The following GRIP1 variants were observed in gnomAD, a reference collection of about 807,000 sequenced individuals.
GRIP1 encodes the protein glutamate receptor-interacting protein 1.
In GRIP1, 45 loss-of-function variants were observed where a neutral mutation model predicts 129.9. The ratio of observed to expected loss-of-function variants is 0.35; its 90% CI spans 0.27 to 0.44. GRIP1 has a LOEUF of 0.44. Ranked by LOEUF, GRIP1 falls within the 20% of genes least tolerant of loss-of-function variation. GRIP1 has a pLI of 1.00. For missense variants in GRIP1, 1,196 were observed against 1,396.8 expected (o/e 0.86, Z 2.29); for synonymous variants, 530 against 520.8 (o/e 1.02, Z -0.24).
chr12:67,048,818 C>A (rs1342381831), intron 1 of GRIP1, among the ~76,000 whole-genome samples: 1 of 152,190 alleles, frequency 6.6e-6, no homozygotes, highest in Non-Finnish European at 1.5e-5. Context: ...TTGCCTGCCA[C>A]CATCCATGTA....
chr12:66,360,565 T>C (rs2054708642), intron 23 of GRIP1, among the ~76,000 whole-genome samples: 1 of 152,188 alleles, frequency 6.6e-6, no homozygotes, highest in Admixed American at 6.5e-5. Flanking sequence ...AAAGCTCAGT[T>C]CAATTTTAAC....
chr12:66,811,721 T>G (rs193113916), intron 1 of GRIP1, among the ~76,000 whole-genome samples: 1 of 152,264 alleles, frequency 6.6e-6, no homozygotes, highest in East Asian at 1.9e-4. Context: ...CTACTTACTT[T>G]AAGTTATACA....
upstream of GRIP1, among the ~76,000 whole-genome samples, chr12:66,805,140 C>A (rs1255788127): frequency 6.6e-6 from 1 of 152,020 alleles, no homozygotes; most frequent in African/African-American, 2.4e-5. Context: ...ATAAACCTAG[C>A]TCAATTGTTA....
chr12:66,377,427 A>C, intron 20 of GRIP1, 142 bp from the exon 21 acceptor site: 2 of 680,206 alleles, frequency 2.9e-6, no homozygotes, highest in Non-Finnish European at 5.3e-6. Context: ...TCCCGGGTTC[A>C]CACCATTCTC....
At chr12:66,777,976 A>C (rs2136766339) in intron 1 of GRIP1, among the ~76,000 whole-genome samples, 1 of 152,320 alleles carries the variant, frequency 6.6e-6, no homozygotes, top group South Asian at 2.1e-4. Context: ...TGAGCACTTG[A>C]AACACGCTAG....
At chr12:67,013,933 A>G (rs2042746700) in intron 1 of GRIP1, among the ~76,000 whole-genome samples, 1 of 152,230 alleles carries the variant, frequency 6.6e-6, no homozygotes, top group Admixed American at 6.5e-5. Flanking sequence ...AATCAGCGCA[A>G]GCTCAAGATT....
chr12:66,527,714 C>T (rs537538819), intron 5 of GRIP1, among the ~76,000 whole-genome samples: 1 of 151,938 alleles, frequency 6.6e-6, no homozygotes, highest in East Asian at 1.9e-4. Flanking sequence ...TGTGGAAAAC[C>T]AAATACTGCA....
chr12:66,778,598 G>C (rs2038062336), intron 1 of GRIP1, among the ~76,000 whole-genome samples: 1 of 152,126 alleles, frequency 6.6e-6, no homozygotes, highest in African/African-American at 2.4e-5. Context: ...TTTTCTGCAT[G>C]TTTGTGTAGC....
intron 1 of GRIP1, among the ~76,000 whole-genome samples, chr12:66,796,139 TC>T (rs1262744186): frequency 1.3e-5 from 2 of 152,170 alleles, no homozygotes; most frequent in African/African-American, 2.4e-5. Flanking sequence ...AGAAGACTCC[TC>T]TATGTGAATA....
chr12:66,832,079 C>T (rs182700252), intron 1 of GRIP1, among the ~76,000 whole-genome samples: 1,911 of 152,246 alleles, frequency 0.013, 14 homozygotes, highest in Middle Eastern at 0.02. Flanking sequence ...TGAGACAAGT[C>T]ACTTCTGAGG....
chr12:66,728,799 G>A (rs148351015), intron 1 of GRIP1, among the ~76,000 whole-genome samples: 2 of 152,106 alleles, frequency 1.3e-5, no homozygotes, highest in African/African-American at 2.4e-5. Flanking sequence ...TACAGAAACA[G>A]AAAAATAGCA....
At chr12:66,821,967 G>T (rs1210029836) in intron 1 of GRIP1, among the ~76,000 whole-genome samples, 1 of 152,016 alleles carries the variant, frequency 6.6e-6, no homozygotes, top group Non-Finnish European at 1.5e-5. Context: ...ACCAGAAATA[G>T]AATAGGGGCC....
At chr12:66,827,403 A>T (rs2039437238) in intron 1 of GRIP1, among the ~76,000 whole-genome samples, 3 of 151,870 alleles carry the variant, frequency 2.0e-5, no homozygotes, top group Admixed American at 2.0e-4. Context: ...AGAGAGAGAG[A>T]GAGAGAGAGA....
chr12:67,066,888 TTATATATA>T (rs1555170033), intron 1 of GRIP1, among the ~76,000 whole-genome samples: 3 of 125,646 alleles, frequency 2.4e-5, no homozygotes, highest in Middle Eastern at 8.4e-3. Flanking sequence ...AAATATATAT[TTATATATA>T]TATATATATA....
At chr12:66,512,042 CTT>C in intron 7 of GRIP1, among the ~76,000 whole-genome samples, 1 of 152,192 alleles carries the variant, frequency 6.6e-6, no homozygotes, top group African/African-American at 2.4e-5. Flanking sequence ...GGTGCTTCCT[CTT>C]TCTCTCTCTT....
intron 16 of GRIP1, 27 bp from the exon 17 acceptor site, chr12:66,394,379 T>C (rs1332885547): frequency 1.2e-6 from 2 of 1,607,888 alleles, no homozygotes; most frequent in East Asian, 2.2e-5. Flanking sequence ...GGAATCATAA[T>C]TGATTTCTTT....
chr12:66,760,015 T>C (rs2037422499), intron 1 of GRIP1, among the ~76,000 whole-genome samples: 1 of 152,046 alleles, frequency 6.6e-6, no homozygotes, highest in Non-Finnish European at 1.5e-5. Context: ...CCACCATGCC[T>C]GGCTAAGTTT....
intron 1 of GRIP1, among the ~76,000 whole-genome samples, chr12:67,017,814 G>A (rs1448651012): frequency 6.6e-6 from 1 of 152,200 alleles, no homozygotes; most frequent in Non-Finnish European, 1.5e-5. Context: ...CCACTGGGGT[G>A]CCCGTTATAT....
At chr12:66,361,112 A>G (rs2054738082) in intron 23 of GRIP1, among the ~76,000 whole-genome samples, 1 of 152,226 alleles carries the variant, frequency 6.6e-6, no homozygotes, top group Non-Finnish European at 1.5e-5. Flanking sequence ...AATAGAATAC[A>G]GTCTTCTAAA....
Sources: allele counts gnomAD v4.1 joint callset (sites outside exome capture counted in the v4.1 genomes callset), GRCh38; gene constraint gnomAD v4.1.1; transcripts MANE v1.5; gene names NCBI Gene and HGNC (gene_info 2026-07-23, HGNC 2026-07-21).